The following ITGB5 variants were observed in gnomAD, a reference collection of about 807,000 sequenced individuals.
The protein encoded by ITGB5 is integrin subunit beta 5.
Under a neutral mutation model 84.8 loss-of-function variants are expected in ITGB5, and 38 were observed. That is an observed-to-expected ratio of 0.45 (90% CI 0.35 to 0.59). The LOEUF (loss-of-function observed/expected upper bound fraction) is 0.59. ITGB5 is among the 20% of genes least tolerant of loss of function. The pLI is 0.01. For synonymous variants in ITGB5, 393 were observed against 414.4 expected, an observed-to-expected ratio of 0.95 and a Z score of 0.63; for missense variants, 905 against 1,034.5, an observed-to-expected ratio of 0.87 and a Z score of 1.72.
intron 10 of ITGB5, among the ~76,000 whole-genome samples, chr3:124,775,782 A>C (rs2063918518): frequency 6.6e-6 from 1 of 152,206 alleles, no homozygotes; most frequent in Non-Finnish European, 1.5e-5. Context: ...TGTGACCCAC[A>C]ATATAATATA....
At chr3:124,820,478 G>A (rs78563193) in intron 6 of ITGB5, among the ~76,000 whole-genome samples, 5,260 of 152,280 alleles carry the variant, frequency 0.035, 136 homozygotes, top group African/African-American at 0.067. Flanking sequence ...ACAGGGGCCC[G>A]CATCTGGTGA....
chr3:124,867,776 G>C (rs144435705), intron 2 of ITGB5, among the ~76,000 whole-genome samples: 1 of 152,318 alleles, frequency 6.6e-6, no homozygotes, highest in East Asian at 1.9e-4. Context: ...TGGCTAGGTT[G>C]TAAAATTTAC....
intron 9 of ITGB5, among the ~76,000 whole-genome samples, chr3:124,807,940 TC>T: frequency 5.7e-5 from 2 of 35,000 alleles, no homozygotes; most frequent in Non-Finnish European, 1.2e-4. Flanking sequence ...AGACTTCATC[TC>T]AAAAAAAAAA....
At chr3:124,802,297 G>A (rs186502522) in intron 9 of ITGB5, among the ~76,000 whole-genome samples, 39 of 152,310 alleles carry the variant, frequency 2.6e-4, no homozygotes, top group Non-Finnish European at 4.4e-4. Context: ...GGGGACACAC[G>A]TCCAGAGGGA....
chr3:124,870,672 G>A (rs993520899), intron 2 of ITGB5, among the ~76,000 whole-genome samples: 10 of 150,092 alleles, frequency 6.7e-5, no homozygotes, highest in African/African-American at 2.2e-4. Flanking sequence ...GTGGCAGTGA[G>A]CCGACATCAT....
chr3:124,859,478 G>A (rs764446746), intron 2 of ITGB5, 32 bp from the exon 3 acceptor site: 8 of 1,575,172 alleles, frequency 5.1e-6, no homozygotes, highest in Non-Finnish European at 6.9e-6. Context: ...GAGAGCAGGA[G>A]GTGGTCAGGG....
At chr3:124,787,060 C>T (rs1579197346) in intron 10 of ITGB5, among the ~76,000 whole-genome samples, 1 of 152,272 alleles carries the variant, frequency 6.6e-6, no homozygotes, top group Non-Finnish European at 1.5e-5. Flanking sequence ...TTAGGTCTTC[C>T]TAGTACTTTC....
At chr3:124,797,946 T>C (rs9874118) in intron 9 of ITGB5, among the ~76,000 whole-genome samples, 11,839 of 151,952 alleles carry the variant, frequency 0.078, 604 homozygotes, top group Non-Finnish European at 0.11. Context: ...TGGGTCCAAA[T>C]GTCTTTATTT....
At chr3:124,822,530 A>T (rs2064722882) in intron 5 of ITGB5, among the ~76,000 whole-genome samples, 1 of 152,226 alleles carries the variant, frequency 6.6e-6, no homozygotes, top group South Asian at 2.1e-4. Flanking sequence ...CAAAAGAGCT[A>T]TGATATTTTC....
rs1284730725 is a variant in ITGB5 at position 124,762,995 on chromosome 3, C to CCAAA, written c.*624_*627dup. 3.3e-5 allele frequency: 5 copies of CCAAA among 152,310 alleles called. No individual in the cohort carries two copies. The highest frequency in any genetic ancestry group is 2.0e-4 in the Admixed American group (3 of 15,302). The allele number at this position is 152,310 out of a possible 1,614,324, so 9.4% of individuals were successfully genotyped here. On this transcript the variant is annotated 3_prime_UTR_variant, in exon 15 of 15. Transcript: ENST00000296181. Reference sequence around the variant, plus strand: ...TTGGTTTTAATCTTTACTTCCAATCCCAAACAATCTTGTTTCTTTTCATTA... The same window carrying CCAAA: ...TTGGTTTTAATCTTTACTTCCAATCCCAAACAAACAATCTTGTTTCTTTTCATTA...
intron 3 of ITGB5, among the ~76,000 whole-genome samples, chr3:124,853,410 T>G (rs2065183516): frequency 6.6e-6 from 1 of 152,114 alleles, no homozygotes; most frequent in Non-Finnish European, 1.5e-5. Context: ...GCACCCCCTC[T>G]CCACCTCAGA....
chr3:124,888,208 T>C (rs1499963), upstream of ITGB5, among the ~76,000 whole-genome samples: 106,179 of 152,052 alleles, frequency 0.7, 37,270 homozygotes, highest in East Asian at 0.77. Flanking sequence ...CGAGCCACCG[T>C]GCCCGGCCCA....
At chr3:124,871,600 A>T (rs1229691063) in intron 2 of ITGB5, among the ~76,000 whole-genome samples, 1 of 152,144 alleles carries the variant, frequency 6.6e-6, no homozygotes, top group African/African-American at 2.4e-5. Flanking sequence ...CCAAGGCAAG[A>T]GAATCATTTG....
rs370811075 is a variant in ITGB5 at position 124,859,288 on chromosome 3, G to T, written c.315C>A (p.Asp105Glu). 4 of 1,614,034 alleles carry T rather than the reference G, an allele frequency of 2.5e-6. No homozygotes were observed. The East Asian group carries it at 8.9e-5, about 36-fold the overall frequency. The change falls in exon 3 of 15, where the codon GAC becomes GAA. Residue 105 changes from aspartate to glutamate, a missense_variant. By Grantham distance (45) the Asp-to-Glu change is conservative (BLOSUM62 2). This residue lies in a region of ITGB5 where 656 missense variants were observed against 734.7 expected (regional missense o/e 0.89). Transcript: ENST00000296181. ...TCTCCTGTGGTGTCATCTGAATGAC[G>T]TCCCAGCCTGCAGAGCCCGAACCCT... Reference protein sequence around the residue: ...SSKGSGSAGWDVIQMTPQEIA... With the variant: ...SSKGSGSAGWEVIQMTPQEIA...
chr3:124,891,593 C>CAAAA (rs59385283), upstream of ITGB5, among the ~76,000 whole-genome samples: 958 of 103,518 alleles, frequency 9.3e-3, 18 homozygotes, highest in Middle Eastern at 0.021. Context: ...ATAACTGCCT[C>CAAAA]AAAAAAAAAA....
intron 2 of ITGB5, among the ~76,000 whole-genome samples, chr3:124,864,096 C>CTTTT (rs558311822): frequency 4.4e-5 from 2 of 45,528 alleles, no homozygotes; most frequent in African/African-American, 1.4e-4. Flanking sequence ...ACCTATATTT[C>CTTTT]TTTTTTTTTT....
At chr3:124,767,897 C>T (rs369316521) in intron 12 of ITGB5, among the ~76,000 whole-genome samples, 30 of 152,154 alleles carry the variant, frequency 2.0e-4, no homozygotes, top group African/African-American at 6.8e-4. Flanking sequence ...CATGGTGAAA[C>T]TCCGTCTCTA....
chr3:124,891,856 C>T (rs1009524737), upstream of ITGB5, among the ~76,000 whole-genome samples: 1 of 151,574 alleles, frequency 6.6e-6, no homozygotes, highest in African/African-American at 2.4e-5. Flanking sequence ...GAAGTTGAGG[C>T]TGCCATGAGC....
intron 10 of ITGB5, among the ~76,000 whole-genome samples, chr3:124,774,383 G>T (rs1271421019): frequency 6.6e-6 from 1 of 152,194 alleles, no homozygotes; most frequent in East Asian, 1.9e-4. Context: ...TTCTGAGAGG[G>T]AGCAAGGGAG....
Sources: allele counts gnomAD v4.1 joint callset (sites outside exome capture counted in the v4.1 genomes callset), GRCh38; gene constraint gnomAD v4.1.1; regional missense constraint gnomAD v4.1.1; transcripts MANE v1.5; gene names NCBI Gene and HGNC (gene_info 2026-07-23, HGNC 2026-07-21).